Variants in DAAM2 observed in about 807,000 individuals in gnomAD.
DAAM2 encodes disheveled-associated activator of morphogenesis 2.
Under a neutral mutation model 120.7 loss-of-function variants are expected in DAAM2, and 39 were observed. The ratio of observed to expected loss-of-function variants is 0.32; its 90% CI spans 0.25 to 0.42. The LOEUF is 0.42. DAAM2 is among the 10% of genes least tolerant of loss of function. The pLI is 1.00. For synonymous variants in DAAM2, 488 were observed against 524.9 expected, an observed-to-expected ratio of 0.93 and a Z score of 0.96; for missense variants, 1,283 against 1,401.7, an observed-to-expected ratio of 0.92 and a Z score of 1.35.
rs567676649 is a variant in DAAM2 at position 39,902,197 on chromosome 6, C to T, written c.*160C>T. 13 of 539,762 alleles carry T rather than the reference C, an allele frequency of 2.4e-5. 1 individual carries two copies. The South Asian group carries it at 3.8e-4, about 16-fold the overall frequency. The allele number at this position is 539,762 out of a possible 1,614,324, so 33.4% of individuals were successfully genotyped here. On this transcript the variant is annotated 3_prime_UTR_variant, in exon 25 of 25. Transcript: ENST00000274867. Reference sequence around the variant, plus strand: ...TGTGTGGCTGGACCAGGTGTCTCCCCACGCTTACCTTAAGGGGCTCCTCTT... The same window carrying T: ...TGTGTGGCTGGACCAGGTGTCTCCCTACGCTTACCTTAAGGGGCTCCTCTT...
intron 1 of DAAM2, among the ~76,000 whole-genome samples, chr6:39,796,970 G>T (rs944943968): frequency 1.3e-5 from 2 of 152,210 alleles, no homozygotes; most frequent in African/African-American, 4.8e-5. Flanking sequence ...GAAAATACAT[G>T]GGTTTAGACA....
rs370331088 is a variant in DAAM2, at chr6:39,900,215, G to A, written c.2811+7G>A. On this transcript the variant is annotated splice_region_variant and intron_variant, in intron 23 of 24. Transcript: ENST00000274867. ...AAATGAGGCCAGGGACAAGGTAAGG[G>A]TGCCCCAACCCCCACTGCTTGCCAA... is the stretch of plus-strand genomic sequence containing the variant. 168 of 1,609,030 alleles carry A rather than the reference G, an allele frequency of 1.0e-4. 1 individual carries two copies. The highest frequency in any genetic ancestry group is 1.3e-4 in the Non-Finnish European group (158 of 1,178,042).
At chr6:39,838,666 C>A (rs1361231195) in intron 1 of DAAM2, among the ~76,000 whole-genome samples, 6 of 151,900 alleles carry the variant, frequency 3.9e-5, no homozygotes, top group African/African-American at 1.2e-4. Flanking sequence ...TTTTCTTTTT[C>A]TTTTTTGAGA....
intron 1 of DAAM2, among the ~76,000 whole-genome samples, chr6:39,840,956 G>T (rs565657611): frequency 6.7e-6 from 1 of 150,008 alleles, no homozygotes; most frequent in South Asian, 2.2e-4. Flanking sequence ...TAGGTGTTCC[G>T]GCTGAGGTTC....
chr6:39,797,659 G>A (rs999744793), intron 1 of DAAM2, among the ~76,000 whole-genome samples: 3 of 152,192 alleles, frequency 2.0e-5, no homozygotes, highest in African/African-American at 7.2e-5. Flanking sequence ...GTGATCTGAA[G>A]TCTAAGCTGA....
rs1394777633 is a variant in DAAM2, at chr6:39,875,267, C to T, written c.1163-63C>T. On this transcript the variant is annotated intron_variant, in intron 10 of 24. Coordinates refer to ENST00000274867, the MANE Select transcript of DAAM2 (RefSeq NM_001201427.2). ...ACCAGCCAGACCCCAGGCAGCAACT[C>T]TAGGGTGGGGCCCAAGGGGGACTTC... 1.5e-5 allele frequency: 23 copies of T among 1,567,990 alleles called. No individual in the cohort carries two copies. In the South Asian group the frequency reaches 2.5e-4, roughly 17 times the overall value.
At chr6:39,814,527 A>C (rs1387726896) in intron 1 of DAAM2, among the ~76,000 whole-genome samples, 1 of 152,236 alleles carries the variant, frequency 6.6e-6, no homozygotes, top group Non-Finnish European at 1.5e-5. Context: ...TTTGGAAACT[A>C]AAGTTTAGAA....
chr6:39,903,676 GGCCTAC>G lies in DAAM2; in HGVS notation c.*1640_*1645del. 1.2e-5 allele frequency: 2 copies of G among 163,360 alleles called. No individual in the cohort carries two copies. Among genetic ancestry groups the G allele is most frequent in the Admixed American group, 5.7e-5 (1 of 17,550 alleles). The allele number at this position is 163,360 out of a possible 1,614,324, so 10.1% of individuals were successfully genotyped here. A position where few individuals can be genotyped will look rare whatever the true frequency, so the allele number is the denominator to read the frequency against. ...ATTGCCAGTGGAGACTGGTGAGCTGGGCCTACTCTCAGCTGCCTATCTTCTGCCTTT... is the reference window on the plus strand; with the variant it reads ...ATTGCCAGTGGAGACTGGTGAGCTGGTCTCAGCTGCCTATCTTCTGCCTTT... On this transcript the variant is annotated 3_prime_UTR_variant, in exon 25 of 25. Transcript: ENST00000274867.
intron 2 of DAAM2, among the ~76,000 whole-genome samples, chr6:39,860,525 T>C (rs1764168054): frequency 6.6e-6 from 1 of 152,122 alleles, no homozygotes; most frequent in Non-Finnish European, 1.5e-5. Context: ...TTCCCTTCTT[T>C]GTTAGGCTTT....
At chr6:39,846,586 C>G (rs1194768220) in intron 1 of DAAM2, among the ~76,000 whole-genome samples, 1 of 152,116 alleles carries the variant, frequency 6.6e-6, no homozygotes, top group African/African-American at 2.4e-5. Context: ...TCCTCTAAAC[C>G]ATGTTTATGA....
chr6:39,904,469 G>A lies in DAAM2; in HGVS notation c.*2432G>A, dbSNP rs1766684124. On this transcript the variant is annotated 3_prime_UTR_variant, in exon 25 of 25. Coordinates refer to ENST00000274867, the MANE Select transcript of DAAM2 (RefSeq NM_001201427.2). Reference sequence around the variant, plus strand: ...TTGCTTTCTTCATGCCCTCCCCACTGCTCCTGCCACCTTTAGATAAGTTTC... The same window carrying A: ...TTGCTTTCTTCATGCCCTCCCCACTACTCCTGCCACCTTTAGATAAGTTTC... 6.6e-6 allele frequency: 3 copies of A among 454,374 alleles called. No individual in the cohort carries two copies. The highest frequency in any genetic ancestry group is 1.3e-5 in the Non-Finnish European group (3 of 226,962). The allele number at this position is 454,374 out of a possible 1,614,324, so 28.1% of individuals were successfully genotyped here.
chr6:39,877,502 C>T (rs1764920119), intron 11 of DAAM2, among the ~76,000 whole-genome samples: 1 of 152,330 alleles, frequency 6.6e-6, no homozygotes, highest in Non-Finnish European at 1.5e-5. Flanking sequence ...GAAATACTCT[C>T]CCTCTCCATA....
intron 1 of DAAM2, among the ~76,000 whole-genome samples, chr6:39,846,513 T>A (rs1582665840): frequency 1.3e-5 from 2 of 152,318 alleles, no homozygotes; most frequent in Middle Eastern, 6.8e-3. Context: ...ATGTTGGACT[T>A]CTGTTCTTGA....
intron 1 of DAAM2, among the ~76,000 whole-genome samples, chr6:39,815,651 T>TACAC (rs56736428): frequency 0.17 from 25,502 of 148,798 alleles, 2,545 homozygotes; most frequent in Middle Eastern, 0.25. Flanking sequence ...ACCCCTGGTT[T>TACAC]ACACACACAC....
chr6:39,832,832 G>A (rs769335454), intron 1 of DAAM2, among the ~76,000 whole-genome samples: 8 of 152,188 alleles, frequency 5.3e-5, no homozygotes, highest in Admixed American at 1.3e-4. Flanking sequence ...GAAGGGGCCA[G>A]GTCTGGTCCG....
At chr6:39,810,368 A>G (rs1299896519) in intron 1 of DAAM2, among the ~76,000 whole-genome samples, 1 of 152,232 alleles carries the variant, frequency 6.6e-6, no homozygotes, top group East Asian at 1.9e-4. Flanking sequence ...AAATAAAAAC[A>G]AACAAAAACC....
At chr6:39,855,369 C>A (rs1174011934) in intron 1 of DAAM2, among the ~76,000 whole-genome samples, 3 of 152,112 alleles carry the variant, frequency 2.0e-5, no homozygotes, top group African/African-American at 7.2e-5. Context: ...AAGCCTTGAC[C>A]CTTTCTGTCC....
chr6:39,858,457 A>G (rs1399521108), intron 2 of DAAM2, among the ~76,000 whole-genome samples: 1 of 152,124 alleles, frequency 6.6e-6, no homozygotes, highest in African/African-American at 2.4e-5. Flanking sequence ...TCAAAGAGTG[A>G]GTAGGAATCA....
chr6:39,792,914 C>T (rs2113967971), intron 1 of DAAM2: 1 of 152,322 alleles, frequency 6.6e-6, no homozygotes, highest in South Asian at 2.1e-4. Context: ...TTCACAAGCC[C>T]CCAGCTCCCA....
Sources: allele counts gnomAD v4.1 joint callset (sites outside exome capture counted in the v4.1 genomes callset), GRCh38; gene constraint gnomAD v4.1.1; transcripts MANE v1.5; gene names NCBI Gene and HGNC (gene_info 2026-07-23, HGNC 2026-07-21).